Variants in EMILIN3 observed in about 807,000 individuals in gnomAD.
EMILIN3 encodes the protein elastin microfibril interfacer 3.
EMILIN3 carries 38 observed loss-of-function variants against 42.8 expected under a neutral mutation model. That is an observed-to-expected ratio of 0.89 (90% confidence interval 0.69 to 1.16). EMILIN3 has a LOEUF of 1.16. Among genes scored for constraint, EMILIN3 ranks in the 50% most tolerant of loss-of-function variants. The pLI is 0.00. For synonymous variants in EMILIN3, 430 were observed against 440.5 expected (o/e 0.98, Z 0.30); for missense variants, 924 against 999.5 (o/e 0.92, Z 1.02).
intron 2 of EMILIN3, 29 bp downstream of exon 2, chr20:41,365,006 C>A: frequency 1.9e-6 from 3 of 1,612,556 alleles, no homozygotes; most frequent in Non-Finnish European, 2.5e-6. Context: ...CCAGGGGATT[C>A]CAAGTGTGTA....
rs2046351806 is a variant in EMILIN3 at position 41,360,864 on chromosome 20, A to C, written c.*404T>G. On this transcript the variant is annotated 3_prime_UTR_variant, in exon 4 of 4. Coordinates refer to ENST00000332312, the MANE Select transcript of EMILIN3 (RefSeq NM_052846.2). Reference sequence around the variant, plus strand: ...CCTGTAGGTCTCTGCACAGTTGCTGAGGCTGGTGCTGACTGCCTGCAGGGT... The same window carrying C: ...CCTGTAGGTCTCTGCACAGTTGCTGCGGCTGGTGCTGACTGCCTGCAGGGT... 4.4e-6 allele frequency: 1 copy of C among 229,668 alleles called. No homozygotes were observed. Among genetic ancestry groups the C allele is most frequent in the African/African-American group, 2.3e-5 (1 of 44,350 alleles). 14.2% of individuals were successfully genotyped at this position (229,668 alleles called of 1,614,324 possible). A position where few individuals can be genotyped will look rare whatever the true frequency, so the allele number is the denominator to read the frequency against.
chr20:41,366,533 G>C lies in EMILIN3; in HGVS notation c.102C>G (p.Pro34=), dbSNP rs1421749764. Residue 34 remains proline (P), a synonymous_variant, in exon 1 of 4, where the codon CCC becomes CCG. Coordinates refer to ENST00000332312, the MANE Select transcript of EMILIN3 (RefSeq NM_052846.2). The surrounding 1 kb of genome is among the most constrained non-coding windows in gnomAD (Gnocchi z 4.2). The stretch of plus-strand genomic sequence containing the variant: ...TGTAGAGACTGTAGCGGGAGGCACC[G>C]GGCGGCGCAGGCCGCGCCAGGAGCG... ...GTPLLARPAP[P]GASRYSLYTT... is the part of the protein sequence containing the mutation. The C allele has an allele frequency of 9.5e-6, 11 of 1,153,418 alleles. No homozygotes were observed. Among genetic ancestry groups the C allele is most frequent in the Middle Eastern group, 3.6e-4 (1 of 2,776 alleles). 71.4% of individuals were successfully genotyped at this position (1,153,418 alleles called of 1,614,324 possible). A position where few individuals can be genotyped will look rare whatever the true frequency, so the allele number is the denominator to read the frequency against.
In EMILIN3 at chr20:41,362,560, C is replaced by T. The variant is rs1363789540; in HGVS notation, c.1009G>A (p.Val337Ile). Residue 337 changes from valine to isoleucine, a missense_variant, in exon 4 of 4, where the codon GTA becomes ATA. Coordinates refer to ENST00000332312, the MANE Select transcript of EMILIN3 (RefSeq NM_052846.2). ...QSECDLRVQE[V>I]RRQCEEGQAA... is the part of the protein sequence containing the mutation. ...TGACCCTCCTCACATTGCCGCCGTA[C>T]CTCCTGCACCCGCAGGTCACACTCA... 6.2e-7 allele frequency: 1 copy of T among 1,600,068 alleles called. No individual in the cohort carries two copies. Among genetic ancestry groups the T allele is most frequent in the Non-Finnish European group, 8.5e-7 (1 of 1,179,328 alleles).
chr20:41,365,176 C>A lies in EMILIN3; in HGVS notation c.168-19G>T, dbSNP rs752052845. 1.2e-6 allele frequency: 2 copies of A among 1,612,786 alleles called. No homozygotes were observed. Among genetic ancestry groups the A allele is most frequent in the Non-Finnish European group, 1.7e-6 (2 of 1,179,334 alleles). On this transcript the variant is annotated intron_variant, in intron 1 of 3. Coordinates refer to ENST00000332312, the MANE Select transcript of EMILIN3 (RefSeq NM_052846.2). ...GAGGGCCCTACAGGAGAAAATGGCA[C>A]CCCTGGAATATCTGGCTGAGCGAGG...
At position 41,360,814 on chromosome 20, in the gene EMILIN3, A is replaced by G. The variant is rs895511164; in HGVS notation, c.*454T>C. ...GACTGTTGCTTGTGGGCACAGGGCA[A>G]TGCGGACAGGCCACTGGCTGTGGGC... On this transcript the variant is annotated 3_prime_UTR_variant, in exon 4 of 4. Coordinates refer to ENST00000332312, the MANE Select transcript of EMILIN3 (RefSeq NM_052846.2). 1.1e-5 allele frequency: 2 copies of G among 178,924 alleles called. No homozygotes were observed. Among genetic ancestry groups the G allele is most frequent in the African/African-American group, 4.7e-5 (2 of 42,310 alleles). 11.1% of individuals were successfully genotyped at this position (178,924 alleles called of 1,614,324 possible).
rs1265983516 is a variant in EMILIN3, at chr20:41,362,426, C to G, written c.1143G>C (p.Arg381Ser). The G allele has an allele frequency of 2.5e-6, 4 of 1,601,198 alleles. No individual in the cohort carries two copies. In the Admixed American group the frequency reaches 6.7e-5, roughly 27 times the overall value. ...AGGCTAGTTGCCCACAGCAGCTGCCCCTGCCAGACACGCTCAGGCCCTGCA... is the reference window on the plus strand; with the variant it reads ...AGGCTAGTTGCCCACAGCAGCTGCCGCTGCCAGACACGCTCAGGCCCTGCA... ...SQLQGLSVSGRGSCCGQLALI... is the reference protein window; with the variant it reads ...SQLQGLSVSGSGSCCGQLALI... The change falls in exon 4 of 4, where the codon AGG becomes AGC. Residue 381 changes from arginine (R) to serine (S), a missense_variant. Physicochemically the swap from Arg to Ser is moderately radical, Grantham distance 110. Transcript: ENST00000332312.
chr20:41,365,573 C>A (rs1244492415), intron 1 of EMILIN3, among the ~76,000 whole-genome samples: 1 of 152,206 alleles, frequency 6.6e-6, no homozygotes, highest in African/African-American at 2.4e-5. Context: ...TTCCTCCCTG[C>A]CTGGCTCCCG....
In EMILIN3 at chr20:41,363,001, C is replaced by T; in HGVS notation, c.568G>A (p.Val190Ile). The change falls in exon 4 of 4, where the codon GTC becomes ATC. Residue 190 changes from valine (V) to isoleucine (I), a missense_variant. By Grantham distance (29) the Val-to-Ile change is conservative. Coordinates refer to ENST00000332312, the MANE Select transcript of EMILIN3 (RefSeq NM_052846.2). The stretch of plus-strand genomic sequence containing the variant: ...CCATATGTTTGAGCCAGGCGCTGGA[C>T]ATCACCCTCCAGGCGTTCCAGCCGC... ...GERLERLEGDVQRLAQTYGTL... is the reference protein window; with the variant it reads ...GERLERLEGDIQRLAQTYGTL... The T allele has an allele frequency of 6.2e-7, 1 of 1,608,896 alleles. No homozygotes were observed. The highest frequency in any genetic ancestry group is 8.5e-7 in the Non-Finnish European group (1 of 1,176,460).
In EMILIN3 at chr20:41,366,801, G is replaced by A. The variant is rs559909956; in HGVS notation, c.-167C>T. On this transcript the variant is annotated 5_prime_UTR_variant, in exon 1 of 4. Transcript: ENST00000332312. This position sits in a 1 kb window ranked among gnomAD's most constrained non-coding sequence, Gnocchi z 4.2. ...GCCCGGCCGCCTGGCGCTTCGCGGC[G>A]GCTGCGTCCCGCGGAGTGGCCGGCG... The A allele has an allele frequency of 1.8e-3, 524 of 297,544 alleles. 4 individuals are homozygous for A. The highest frequency in any genetic ancestry group is 6.8e-3 in the African/African-American group (302 of 44,150). 18.4% of individuals were successfully genotyped at this position (297,544 alleles called of 1,614,324 possible).
In EMILIN3 at chr20:41,361,852, C is replaced by G. The variant is rs776818748; in HGVS notation, c.1717G>C (p.Ala573Pro). 1.2e-5 allele frequency: 19 copies of G among 1,613,434 alleles called. No homozygotes were observed. The highest frequency in any genetic ancestry group is 1.6e-5 in the Non-Finnish European group (19 of 1,180,058). The change falls in exon 4 of 4, where the codon GCA becomes CCA. Residue 573 changes from alanine to proline, a missense_variant. By Grantham distance (27) the Ala-to-Pro change is conservative (BLOSUM62 -1). Transcript: ENST00000332312. The stretch of plus-strand genomic sequence containing the variant: ...TGAAGTGAGCTGCCCGTCCCTTCTG[C>G]CAGCTGTCCCTGGACCTCGGCCACA... Reference protein sequence around the residue: ...GTVAEVQGQLAEGTGSSLQGE... With the variant: ...GTVAEVQGQLPEGTGSSLQGE...
chr20:41,363,205 C>G, intron 3 of EMILIN3, 151 bp from the exon 4 acceptor site: 1 of 714,898 alleles, frequency 1.4e-6, no homozygotes, highest in South Asian at 2.3e-5. Context: ...CAGTGGTGTG[C>G]TCTTGGCTCA....
At position 41,362,071 on chromosome 20, in the gene EMILIN3, G is replaced by A. The variant is rs61739310; in HGVS notation, c.1498C>T (p.Arg500Trp). 16,791 of 1,608,422 alleles carry A rather than the reference G, an allele frequency of 0.01. 1,571 individuals carry two copies. In the African/African-American group the frequency reaches 0.2, roughly 19 times the overall value. Residue 500 changes from arginine to tryptophan, a missense_variant, in exon 4 of 4, where the codon CGG (arginine) becomes TGG (tryptophan). Coordinates refer to ENST00000332312, the MANE Select transcript of EMILIN3 (RefSeq NM_052846.2). Reference protein sequence around the residue: ...HDSASPGRSARPLVQTELAVL... With the variant: ...HDSASPGRSAWPLVQTELAVL... Reference sequence around the variant, plus strand: ...GCCAGCTCTGTCTGTACAAGGGGCCGAGCTGACCTGCCCGGAGAGGCGCTG... The same window carrying A: ...GCCAGCTCTGTCTGTACAAGGGGCCAAGCTGACCTGCCCGGAGAGGCGCTG...
At position 41,360,887 on chromosome 20, in the gene EMILIN3, G is replaced by C; in HGVS notation, c.*381C>G. On this transcript the variant is annotated 3_prime_UTR_variant, in exon 4 of 4. Coordinates refer to ENST00000332312, the MANE Select transcript of EMILIN3 (RefSeq NM_052846.2). ...TGAGGCTGGTGCTGACTGCCTGCAG[G>C]GTCCTCTCAAGGCCTTACATACGGA... 1 of 262,512 alleles carries C rather than the reference G, an allele frequency of 3.8e-6. No homozygotes were observed. The highest frequency in any genetic ancestry group is 7.3e-6 in the Non-Finnish European group (1 of 136,802). The allele number at this position is 262,512 out of a possible 1,614,324, so 16.3% of individuals were successfully genotyped here. A position where few individuals can be genotyped will look rare whatever the true frequency, so the allele number is the denominator to read the frequency against.
chr20:41,364,446 C>T (rs1251036258), intron 2 of EMILIN3, among the ~76,000 whole-genome samples: 2 of 152,166 alleles, frequency 1.3e-5, no homozygotes, highest in Middle Eastern at 3.2e-3. Context: ...GGCAGGCTCG[C>T]GAGGGTCCAT....
intron 3 of EMILIN3, among the ~76,000 whole-genome samples, 175 bp from the exon 4 acceptor site, chr20:41,363,229 C>T (rs985945274): frequency 1.3e-5 from 2 of 151,996 alleles, no homozygotes; most frequent in African/African-American, 4.8e-5. Context: ...CAAGCTCCGC[C>T]TTCCGGGTTC....
At position 41,361,703 on chromosome 20, in the gene EMILIN3, C is replaced by T. The variant is rs1207604728; in HGVS notation, c.1866G>A (p.Arg622=). Residue 622 remains arginine (R), a synonymous_variant, in exon 4 of 4, where the codon CGG becomes CGA. Transcript: ENST00000332312. ...GGACTTCGGCTTCCACCTTGCGTTC[C>T]CGCTCATCCAGGGACGTGTTGGCAG... is the stretch of plus-strand genomic sequence containing the variant. The part of the protein sequence containing the change: ...FLAANTSLDE[R]ERKVEAEVQA... 1 of 1,610,962 alleles carries T rather than the reference C, an allele frequency of 6.2e-7. No individual in the cohort carries two copies. The highest frequency in any genetic ancestry group is 8.5e-7 in the Non-Finnish European group (1 of 1,178,178).
Position 41,366,704 on chromosome 20 carries a change from C to G in EMILIN3, c.-70G>C. ...CGGGTGTCCGCCTGCAGCGCCGCGC[C>G]GCCCCCGCCGCTGGTCGGCCCGGGT... On this transcript the variant is annotated 5_prime_UTR_variant, in exon 1 of 4. Coordinates refer to ENST00000332312, the MANE Select transcript of EMILIN3 (RefSeq NM_052846.2). The surrounding 1 kb of genome is among the most constrained non-coding windows in gnomAD (Gnocchi z 4.2). The G allele has an allele frequency of 1.1e-6, 1 of 944,578 alleles. No homozygotes were observed. The highest frequency in any genetic ancestry group is 1.3e-6 in the Non-Finnish European group (1 of 794,580). 58.5% of individuals were successfully genotyped at this position (944,578 alleles called of 1,614,324 possible). A position where few individuals can be genotyped will look rare whatever the true frequency, so the allele number is the denominator to read the frequency against.
chr20:41,366,240 G>A lies in EMILIN3; in HGVS notation c.167+228C>T, dbSNP rs2046392968. 6.6e-6 allele frequency among the ~76,000 whole-genome samples: 1 copy of A among 152,146 alleles called. No individual in the cohort carries two copies. The highest frequency in any genetic ancestry group is 6.5e-5 in the Admixed American group (1 of 15,290). The stretch of plus-strand genomic sequence containing the variant: ...TCCGCTGGCACTGCCAGGATCCCAA[G>A]CCGCCGCGCCAGGCCCCCTCGGTTC... On this transcript the variant is annotated intron_variant, in intron 1 of 3. Transcript: ENST00000332312. This position sits in a 1 kb window ranked among gnomAD's most constrained non-coding sequence, Gnocchi z 4.2.
At position 41,366,296 on chromosome 20, in the gene EMILIN3, G is replaced by A. The variant is rs1600757052; in HGVS notation, c.167+172C>T. Among the ~76,000 whole-genome samples the A allele has an allele frequency of 6.6e-6, 1 of 151,706 alleles. No homozygotes were observed. The highest frequency in any genetic ancestry group is 2.0e-4 in the East Asian group (1 of 5,128). On this transcript the variant is annotated intron_variant, in intron 1 of 3. Coordinates refer to ENST00000332312, the MANE Select transcript of EMILIN3 (RefSeq NM_052846.2). This position sits in a 1 kb window ranked among gnomAD's most constrained non-coding sequence, Gnocchi z 4.2. Reference sequence around the variant, plus strand: ...TCCTCGCCAGCCCCGCAACCTCCCGGAGCGTAGGGCGCTCGCCTGGGCAGG... The same window carrying A: ...TCCTCGCCAGCCCCGCAACCTCCCGAAGCGTAGGGCGCTCGCCTGGGCAGG...
Sources: gnomAD v4.1 joint callset for allele counts (sites outside exome capture counted in the v4.1 genomes callset) on GRCh38, gnomAD v4.1.1 for gene constraint, Gnocchi (gnomAD v3.1) non-coding constraint, MANE v1.5 for transcripts, NCBI Gene and HGNC (gene_info 2026-07-23, HGNC 2026-07-21) for gene names.